The following PLCB1 variants were observed in gnomAD, a reference collection of about 807,000 sequenced individuals.
The protein encoded by PLCB1 is phospholipase C beta 1, also known as 1-phosphatidylinositol 4,5-bisphosphate phosphodiesterase beta-1.
PLCB1 carries 46 observed loss-of-function variants against 161.8 expected under a neutral mutation model. The ratio of observed to expected loss-of-function variants is 0.28; its 90% confidence interval spans 0.22 to 0.36. PLCB1 has a LOEUF of 0.36. PLCB1 is among the 10% of genes least tolerant of loss of function. PLCB1 has a pLI of 1.00. For synonymous variants in PLCB1, 517 were observed against 503.7 expected (o/e 1.03, Z -0.35); for missense variants, 1,016 against 1,472.5 (o/e 0.69, Z 5.07).
At chr20:8,239,657 T>C (rs1184729912) in intron 2 of PLCB1, among the ~76,000 whole-genome samples, 2 of 151,806 alleles carry the variant, frequency 1.3e-5, no homozygotes, top group East Asian at 3.9e-4. Context: ...AAAAGAGTAT[T>C]GAATAGGGTA....
At chr20:8,305,421 A>G (rs1984087365) in intron 2 of PLCB1, among the ~76,000 whole-genome samples, 1 of 152,206 alleles carries the variant, frequency 6.6e-6, no homozygotes, top group African/African-American at 2.4e-5. Flanking sequence ...CTAGTGAGAA[A>G]TGTGCTCAAA....
chr20:8,836,904 A>C (rs2146285384), intron 31 of PLCB1, among the ~76,000 whole-genome samples: 1 of 152,262 alleles, frequency 6.6e-6, no homozygotes, highest in East Asian at 1.9e-4. Flanking sequence ...GACTAAGATC[A>C]CTGAAAATCA....
chr20:8,592,946 C>T (rs1428397934), intron 3 of PLCB1, among the ~76,000 whole-genome samples: 1 of 152,100 alleles, frequency 6.6e-6, no homozygotes, highest in East Asian at 1.9e-4. Context: ...ATTCCGGAAA[C>T]CCAGGCTGCA....
intron 3 of PLCB1, among the ~76,000 whole-genome samples, chr20:8,381,280 C>T (rs1987244924): frequency 6.6e-6 from 1 of 152,120 alleles, no homozygotes; most frequent in Non-Finnish European, 1.5e-5. Flanking sequence ...CCTTGCATAC[C>T]AGGGATGAAG....
At chr20:8,369,274 A>G (rs1437663102) in intron 2 of PLCB1, among the ~76,000 whole-genome samples, 1 of 152,062 alleles carries the variant, frequency 6.6e-6, no homozygotes, top group Non-Finnish European at 1.5e-5. Flanking sequence ...CTCCATTGCC[A>G]TCTCTCTCCT....
At chr20:8,280,133 C>T (rs1362347710) in intron 2 of PLCB1, among the ~76,000 whole-genome samples, 5 of 151,890 alleles carry the variant, frequency 3.3e-5, no homozygotes, top group Admixed American at 1.3e-4. Flanking sequence ...GTCAGGAGTT[C>T]GAGACCAGCC....
rs184293689 is a variant in PLCB1 at position 8,304,760 on chromosome 20, T to A, written c.178-66622T>A. 2.0e-3 allele frequency among the ~76,000 whole-genome samples: 302 copies of A among 152,218 alleles called. 2 individuals carry two copies. Among genetic ancestry groups the A allele is most frequent in the African/African-American group, 7.1e-3 (294 of 41,548 alleles). On this transcript the variant is annotated intron_variant, in intron 2 of 31. Coordinates refer to ENST00000338037, the MANE Select transcript of PLCB1 (RefSeq NM_015192.4). ...CCAGGCAGTGTTCTAAGTGCTCCCATAATCCTCACAACAACTGTATGAACT... is the reference window on the plus strand; with the variant it reads ...CCAGGCAGTGTTCTAAGTGCTCCCAAAATCCTCACAACAACTGTATGAACT...
At chr20:8,216,560 T>C (rs1330429606) in intron 2 of PLCB1, among the ~76,000 whole-genome samples, 1 of 152,048 alleles carries the variant, frequency 6.6e-6, no homozygotes, top group African/African-American at 2.4e-5. Context: ...TAAGTAAAGA[T>C]AGAAAGTGGG....
intron 2 of PLCB1, among the ~76,000 whole-genome samples, chr20:8,342,181 G>A (rs991577994): frequency 2.7e-4 from 41 of 152,186 alleles, no homozygotes; most frequent in African/African-American, 9.7e-4. Context: ...CACACACAGT[G>A]AGGAATTCAT....
chr20:8,756,970 G>A, intron 23 of PLCB1, 76 bp from the exon 24 acceptor site: 5 of 1,329,768 alleles, frequency 3.8e-6, no homozygotes, highest in Non-Finnish European at 5.2e-6. Context: ...GCTATAAAAT[G>A]TAGCCTTGTT....
At chr20:8,517,148 A>T (rs73894577) in intron 3 of PLCB1, among the ~76,000 whole-genome samples, 1,753 of 152,196 alleles carry the variant, frequency 0.012, 33 homozygotes, top group African/African-American at 0.038. Flanking sequence ...AATGGCATAG[A>T]AGTGTTTGTG....
At position 8,534,048 on chromosome 20, in the gene PLCB1, G is replaced by A. The variant is rs533319192; in HGVS notation, c.247-94246G>A. Among the ~76,000 whole-genome samples, 351 of 152,262 alleles carry A rather than the reference G, an allele frequency of 2.3e-3. 1 individual carries two copies. The highest frequency in any genetic ancestry group is 4.4e-3 in the Non-Finnish European group (296 of 68,022). ...TCTTGAATTAATTTTTGTATAAGGT[G>A]TAAGGAAGGCATCATCTTTGAGATG... On this transcript the variant is annotated intron_variant, in intron 3 of 31. Coordinates refer to ENST00000338037, the MANE Select transcript of PLCB1 (RefSeq NM_015192.4).
chr20:8,799,972 TC>T (rs1329872409), intron 31 of PLCB1, among the ~76,000 whole-genome samples: 1 of 152,212 alleles, frequency 6.6e-6, no homozygotes. Flanking sequence ...CACTTATGGT[TC>T]TTCTGAATAG....
At chr20:8,795,448 T>A (rs1175004843) in intron 31 of PLCB1, among the ~76,000 whole-genome samples, 1 of 152,232 alleles carries the variant, frequency 6.6e-6, no homozygotes, top group Non-Finnish European at 1.5e-5. Flanking sequence ...ACTTGGCTCC[T>A]TTCCAGTAGA....
chr20:8,696,345 T>C (rs1420531909), intron 10 of PLCB1, among the ~76,000 whole-genome samples: 3 of 152,232 alleles, frequency 2.0e-5, no homozygotes, highest in Admixed American at 6.5e-5. Context: ...CTCAATTCTA[T>C]TTCCATTAAT....
intron 2 of PLCB1, among the ~76,000 whole-genome samples, chr20:8,237,158 G>A (rs2327038): frequency 0.89 from 134,639 of 152,066 alleles, 59,889 homozygotes; most frequent in African/African-American, 0.96. Flanking sequence ...GGCAGACATT[G>A]CAAGGAAATT....
intron 2 of PLCB1, among the ~76,000 whole-genome samples, chr20:8,345,262 T>C (rs1371097471): frequency 1.3e-5 from 2 of 152,170 alleles, no homozygotes; most frequent in African/African-American, 4.8e-5. Flanking sequence ...TTCCTTTTAC[T>C]GTTTATTCTT....
chr20:8,173,041 A>G (rs773777787), intron 2 of PLCB1, among the ~76,000 whole-genome samples: 2 of 152,176 alleles, frequency 1.3e-5, no homozygotes, highest in East Asian at 3.9e-4. Context: ...CTAGCCATAC[A>G]TGGGCAGGGT....
At chr20:8,363,233 A>G (rs964798050) in intron 2 of PLCB1, among the ~76,000 whole-genome samples, 1 of 152,148 alleles carries the variant, frequency 6.6e-6, no homozygotes, top group African/African-American at 2.4e-5. Context: ...ACAAACATTT[A>G]TTATCTCACA....
Sources: allele counts gnomAD v4.1 joint callset (sites outside exome capture counted in the v4.1 genomes callset), GRCh38; gene constraint gnomAD v4.1.1; transcripts MANE v1.5; gene names NCBI Gene and HGNC (gene_info 2026-07-23, HGNC 2026-07-21).